DCLK2: variants seen among roughly 807,000 people sequenced by gnomAD.
DCLK2 encodes the protein serine/threonine-protein kinase DCLK2.
A neutral mutation model predicts 78.4 loss-of-function variants in DCLK2; 31 were observed. That is an observed-to-expected ratio of 0.40 (90% CI 0.30 to 0.53). The LOEUF is 0.53. DCLK2 is among the 20% of genes least tolerant of loss of function. The pLI is 0.61. For missense variants in DCLK2, 872 were observed against 973.7 expected, an observed-to-expected ratio of 0.90 and a Z score of 1.39; for synonymous variants, 407 against 374.9, an observed-to-expected ratio of 1.09 and a Z score of -0.99.
intron 15 of DCLK2, among the ~76,000 whole-genome samples, chr4:150,251,757 C>T (rs1744166163): frequency 7.4e-6 from 1 of 135,396 alleles, no homozygotes; most frequent in Non-Finnish European, 1.6e-5. Flanking sequence ...CCACATTCCC[C>T]ACACACCCCA....
At position 150,257,213 on chromosome 4, in the gene DCLK2, C is replaced by T. The variant is rs12499251; in HGVS notation, c.*966C>T. 6,876 of 152,654 alleles carry T rather than the reference C, an allele frequency of 0.045. 245 individuals carry two copies. Among genetic ancestry groups the T allele is most frequent in the East Asian group, 0.19 (966 of 5,180 alleles). The allele number at this position is 152,654 out of a possible 1,614,324, so 9.5% of individuals were successfully genotyped here. ...CATGCCCGAGGCAGCCAGGACTGGGCGGGAAGGTGCTCCCTGGATATACTC... is the reference window on the plus strand; with the variant it reads ...CATGCCCGAGGCAGCCAGGACTGGGTGGGAAGGTGCTCCCTGGATATACTC... On this transcript the variant is annotated 3_prime_UTR_variant, in exon 16 of 16. Transcript: ENST00000296550.
intron 7 of DCLK2, among the ~76,000 whole-genome samples, chr4:150,223,503 G>C (rs1351784163): frequency 1.3e-5 from 2 of 152,206 alleles, no homozygotes; most frequent in Non-Finnish European, 2.9e-5. Flanking sequence ...CAGCACTTTG[G>C]GAGGCCGAGG....
chr4:150,184,640 C>T (rs566432648), intron 2 of DCLK2, among the ~76,000 whole-genome samples: 7 of 147,274 alleles, frequency 4.8e-5, no homozygotes, highest in Non-Finnish European at 1.0e-4. Flanking sequence ...CTCACTCTGT[C>T]GCCCAGGCTG....
intron 12 of DCLK2, among the ~76,000 whole-genome samples, chr4:150,246,147 G>A (rs1743290576): frequency 6.6e-6 from 1 of 151,756 alleles, no homozygotes; most frequent in Non-Finnish European, 1.5e-5. Context: ...CAGGTTCAAG[G>A]GATTCTCCTG....
chr4:150,247,531 T>C, intron 12 of DCLK2, 72 bp from the exon 13 acceptor site: 1 of 1,361,602 alleles, frequency 7.3e-7, no homozygotes, highest in Non-Finnish European at 1.0e-6. Context: ...TCCCCGCTCT[T>C]CCTGTGGACA....
intron 1 of DCLK2, among the ~76,000 whole-genome samples, chr4:150,079,938 G>A (rs1166015462): frequency 6.6e-6 from 1 of 152,186 alleles, no homozygotes; most frequent in African/African-American, 2.4e-5. Context: ...CCTTGCAGCA[G>A]AAGTTACTTG....
chr4:150,248,118 C>T (rs902222425), intron 13 of DCLK2, among the ~76,000 whole-genome samples, 187 bp from the exon 14 acceptor site: 1 of 152,188 alleles, frequency 6.6e-6, no homozygotes, highest in Non-Finnish European at 1.5e-5. Context: ...TCAGGAGAGA[C>T]TGTCTTTTCT....
intron 2 of DCLK2, among the ~76,000 whole-genome samples, chr4:150,110,513 C>G (rs1459743602): frequency 6.6e-6 from 1 of 151,542 alleles, no homozygotes; most frequent in Non-Finnish European, 1.5e-5. Flanking sequence ...GCTTTTAGGA[C>G]ACAGTGGTTT....
intron 12 of DCLK2, among the ~76,000 whole-genome samples, chr4:150,241,008 T>C (rs1392462220): frequency 6.6e-6 from 1 of 152,176 alleles, no homozygotes; most frequent in East Asian, 1.9e-4. Flanking sequence ...TAAAGAGCCT[T>C]GTGAAGCAGT....
chr4:150,106,055 T>C (rs1731228122), intron 2 of DCLK2, among the ~76,000 whole-genome samples: 1 of 152,092 alleles, frequency 6.6e-6, no homozygotes, highest in African/African-American at 2.4e-5. Flanking sequence ...TAATTATTTT[T>C]TCATGTGCCA....
chr4:150,219,237 A>G (rs1580739205), intron 5 of DCLK2, among the ~76,000 whole-genome samples: 2 of 136,628 alleles, frequency 1.5e-5, no homozygotes, highest in South Asian at 2.5e-4. Context: ...GGCCATTTAC[A>G]TTCAACAGTT....
chr4:150,198,953 T>G, intron 4 of DCLK2: 1 of 1,059,412 alleles, frequency 9.4e-7, no homozygotes, highest in South Asian at 1.4e-5. Context: ...TTTACCCTTT[T>G]GAACGCACAT....
At chr4:150,253,249 C>G (rs1192728197) in intron 15 of DCLK2, 4 of 537,898 alleles carry the variant, frequency 7.4e-6, no homozygotes, top group East Asian at 1.1e-4. Flanking sequence ...TGGGGCCAAC[C>G]TGGTTTTCTG....
intron 2 of DCLK2, among the ~76,000 whole-genome samples, chr4:150,138,567 T>C (rs946158853): frequency 1.3e-5 from 2 of 152,246 alleles, no homozygotes; most frequent in African/African-American, 4.8e-5. Context: ...TTTTGACCTT[T>C]ACTCAGCACT....
intron 1 of DCLK2, among the ~76,000 whole-genome samples, chr4:150,095,861 A>C (rs1730422162): frequency 6.6e-6 from 1 of 152,198 alleles, no homozygotes; most frequent in Non-Finnish European, 1.5e-5. Flanking sequence ...TTTCCGGCGT[A>C]TAAGAAGGAA....
intron 2 of DCLK2, among the ~76,000 whole-genome samples, chr4:150,126,357 C>T (rs985082416): frequency 6.6e-6 from 1 of 152,144 alleles, no homozygotes; most frequent in African/African-American, 2.4e-5. Flanking sequence ...AAGACAAATG[C>T]AAGAACTAAT....
At chr4:150,194,564 C>A (rs1411872241) in intron 3 of DCLK2, among the ~76,000 whole-genome samples, 1 of 152,090 alleles carries the variant, frequency 6.6e-6, no homozygotes, top group Admixed American at 6.6e-5. Context: ...TACTGTTTTA[C>A]CCTATTGTCT....
intron 1 of DCLK2, among the ~76,000 whole-genome samples, chr4:150,082,164 A>G (rs1560754597): frequency 2.0e-5 from 3 of 152,202 alleles, no homozygotes. Flanking sequence ...ATTAGTAAAA[A>G]TAAGTCTGTA....
At chr4:150,189,461 A>G (rs1214430580) in intron 2 of DCLK2, among the ~76,000 whole-genome samples, 2 of 152,178 alleles carry the variant, frequency 1.3e-5, no homozygotes, top group African/African-American at 2.4e-5. Context: ...GAAAGCAGAG[A>G]TGCAAAAGTA....
Sources: allele counts gnomAD v4.1 joint callset (sites outside exome capture counted in the v4.1 genomes callset), GRCh38; gene constraint gnomAD v4.1.1; transcripts MANE v1.5; gene names NCBI Gene and HGNC (gene_info 2026-07-23, HGNC 2026-07-21).